The following KLF8 variants were observed in gnomAD, a reference collection of about 807,000 sequenced individuals.
KLF8 encodes KLF transcription factor 8, also known as Krueppel-like factor 8.
KLF8 carries 10 observed loss-of-function variants against 18.2 expected under a neutral mutation model. The ratio of observed to expected loss-of-function variants is 0.55; its 90% CI spans 0.34 to 0.93. The LOEUF (loss-of-function observed/expected upper bound fraction) is 0.93. Among genes scored for constraint, KLF8 ranks in the 40% least tolerant of loss-of-function variants. The pLI, the probability that KLF8 is intolerant of heterozygous loss-of-function variation, is 0.02. For missense variants in KLF8, 264 were observed against 277.9 expected (o/e 0.95, Z 0.36); for synonymous variants, 109 against 97.3 (o/e 1.12, Z -0.71).
chrX:56,087,911 T>G, the KLF8 span, among the ~76,000 whole-genome samples: 1 of 111,113 alleles, frequency 9.0e-6, no homozygotes, highest in Non-Finnish European at 1.9e-5. Context: ...TTGTCTTGGG[T>G]AATTTTTTTT....
the KLF8 span, among the ~76,000 whole-genome samples, chrX:56,080,564 C>T: frequency 9.0e-6 from 1 of 111,428 alleles, no homozygotes; most frequent in Non-Finnish European, 1.9e-5. Context: ...CGACCTTTCT[C>T]TCTGGCTGCC....
intron 2 of KLF8, among the ~76,000 whole-genome samples, chrX:56,263,407 T>C (rs1467426): frequency 0.015 from 1,719 of 111,552 alleles, 82 homozygotes; most frequent in Admixed American, 0.11. Flanking sequence ...GAAAAGAAGA[T>C]GGCAGTCTGG....
the KLF8 span, among the ~76,000 whole-genome samples, chrX:55,998,219 C>T: frequency 2.7e-5 from 3 of 111,856 alleles, no homozygotes; most frequent in African/African-American, 9.7e-5. Flanking sequence ...CGAGACATTC[C>T]ATTGCCCAGG....
chrX:55,915,331 A>C, the KLF8 span, among the ~76,000 whole-genome samples: 5 of 111,867 alleles, frequency 4.5e-5, no homozygotes, highest in African/African-American at 1.6e-4. Flanking sequence ...GTTTGGCTAT[A>C]CAATCTACAT....
At chrX:56,004,496 G>A in the KLF8 span, among the ~76,000 whole-genome samples, 1 of 111,959 alleles carries the variant, frequency 8.9e-6, no homozygotes, top group East Asian at 2.8e-4. Flanking sequence ...AGAGGTACAA[G>A]TAGGAAATAA....
chrX:55,937,621 C>G, the KLF8 span, among the ~76,000 whole-genome samples: 1 of 111,234 alleles, frequency 9.0e-6, no homozygotes, highest in African/African-American at 3.3e-5. Context: ...AGTTAAAAAC[C>G]TTGAAAAAAA....
the KLF8 span, among the ~76,000 whole-genome samples, chrX:55,924,849 C>CTTTTTTTT: frequency 6.3e-4 from 27 of 42,940 alleles, no homozygotes; most frequent in Non-Finnish European, 8.0e-4. Context: ...TTGTTTTTTG[C>CTTTTTTTT]TTTTTTTTTT....
At chrX:55,978,297 G>A in the KLF8 span, among the ~76,000 whole-genome samples, 1 of 111,455 alleles carries the variant, frequency 9.0e-6, no homozygotes, top group Non-Finnish European at 1.9e-5. Context: ...ATGGTTTCTA[G>A]TTTCCCTTCT....
At chrX:55,922,409 A>G in the KLF8 span, among the ~76,000 whole-genome samples, 1 of 112,377 alleles carries the variant, frequency 8.9e-6, no homozygotes, top group African/African-American at 3.2e-5. Context: ...GGAGGTGAAC[A>G]ATGAAAATGC....
chrX:56,083,130 G>C, the KLF8 span, among the ~76,000 whole-genome samples: 1 of 111,587 alleles, frequency 9.0e-6, no homozygotes, highest in Admixed American at 9.6e-5. Context: ...CCCCTTTCAT[G>C]CTCTTTGATT....
the KLF8 span, among the ~76,000 whole-genome samples, chrX:56,020,013 A>G: frequency 8.9e-6 from 1 of 112,102 alleles, no homozygotes; most frequent in Non-Finnish European, 1.9e-5. Context: ...TAATAAAAAC[A>G]GAATAGAGAA....
the KLF8 span, among the ~76,000 whole-genome samples, chrX:55,977,924 G>T: frequency 9.1e-6 from 1 of 110,414 alleles, no homozygotes; most frequent in Non-Finnish European, 1.9e-5. Context: ...ATTTGTGCTG[G>T]ATTGGCTGGG....
At chrX:56,055,656 G>A in the KLF8 span, among the ~76,000 whole-genome samples, 4 of 111,988 alleles carry the variant, frequency 3.6e-5, no homozygotes, top group Non-Finnish European at 7.5e-5. Flanking sequence ...TCTGAAATAT[G>A]TTTTCCAAGT....
chrX:56,192,950 C>G, the KLF8 span, among the ~76,000 whole-genome samples: 4 of 111,938 alleles, frequency 3.6e-5, no homozygotes, highest in Non-Finnish European at 7.5e-5. Context: ...CACAGGTAAC[C>G]AAAGCAAAAA....
At chrX:55,957,011 G>A in the KLF8 span, among the ~76,000 whole-genome samples, 503 of 110,279 alleles carry the variant, frequency 4.6e-3, 2 homozygotes, top group Non-Finnish European at 7.7e-3. Context: ...GTTTTTTTTA[G>A]GAATTTTATA....
the KLF8 span, among the ~76,000 whole-genome samples, chrX:56,066,268 A>G: frequency 1.8e-5 from 2 of 112,069 alleles, no homozygotes; most frequent in South Asian, 3.7e-4. Context: ...AGGAGTGCTC[A>G]GATGTCAAAG....
chrX:56,196,713 C>G, the KLF8 span, among the ~76,000 whole-genome samples: 5 of 111,387 alleles, frequency 4.5e-5, no homozygotes, highest in Non-Finnish European at 9.4e-5. Flanking sequence ...ACAAGGATAT[C>G]GAAGACTTGA....
the KLF8 span, among the ~76,000 whole-genome samples, chrX:56,055,760 T>A: frequency 1.8e-5 from 2 of 111,741 alleles, no homozygotes; most frequent in East Asian, 5.6e-4. Flanking sequence ...TTTTGTTGAT[T>A]TTTTTAATTT....
chrX:56,077,159 G>T, the KLF8 span, among the ~76,000 whole-genome samples: 1 of 112,038 alleles, frequency 8.9e-6, no homozygotes, highest in African/African-American at 3.3e-5. Flanking sequence ...GATCCCATTT[G>T]TCAATTATGG....
Sources: allele counts gnomAD v4.1 joint callset (sites outside exome capture counted in the v4.1 genomes callset), GRCh38; gene constraint gnomAD v4.1.1; transcripts MANE v1.5; gene names NCBI Gene and HGNC (gene_info 2026-07-23, HGNC 2026-07-21).